Variants in STK32B observed in about 807,000 individuals in gnomAD.
STK32B encodes the protein serine/threonine kinase 32B.
In STK32B, 43 loss-of-function variants were observed where a neutral mutation model predicts 52.6. The observed-to-expected ratio is 0.82, with a 90% CI of 0.64 to 1.05. The LOEUF (loss-of-function observed/expected upper bound fraction) is 1.05. Among genes scored for constraint, STK32B ranks in the 50% least tolerant of loss-of-function variants. The pLI, the probability that STK32B is intolerant of heterozygous loss-of-function variation, is 0.00. For missense variants in STK32B, 621 were observed against 534.6 expected, an observed-to-expected ratio of 1.16 and a Z score of -1.59; for synonymous variants, 238 against 204.3, an observed-to-expected ratio of 1.17 and a Z score of -1.41.
At chr4:5,346,674 C>T (rs969952542) in intron 4 of STK32B, among the ~76,000 whole-genome samples, 2 of 152,310 alleles carry the variant, frequency 1.3e-5, no homozygotes, top group African/African-American at 2.4e-5. Context: ...CTGCTCTGGA[C>T]ATGATTTTGC....
intron 1 of STK32B, among the ~76,000 whole-genome samples, chr4:5,132,464 T>C (rs1715837707): frequency 1.3e-5 from 2 of 151,986 alleles, no homozygotes; most frequent in African/African-American, 2.4e-5. Flanking sequence ...AAACCTGAAC[T>C]TGCACCCGGA....
Position 5,399,775 on chromosome 4 carries a change from G to C in STK32B, c.472+1531G>C, listed in dbSNP as rs536828326. Among the ~76,000 whole-genome samples the C allele has an allele frequency of 6.6e-6, 1 of 152,104 alleles. No homozygotes were observed. The highest frequency in any genetic ancestry group is 1.9e-4 in the East Asian group (1 of 5,162). On this transcript the variant is annotated intron_variant, in intron 5 of 11. Coordinates refer to ENST00000282908, the MANE Select transcript of STK32B (RefSeq NM_018401.3). This position sits in a 1 kb window ranked among gnomAD's most constrained non-coding sequence, Gnocchi z 5.4. ...TGCAGGGTGGTGAATGTCTCATCTCGGGTGAGACTCGAAGGTCAGCCACCC... is the reference window on the plus strand; with the variant it reads ...TGCAGGGTGGTGAATGTCTCATCTCCGGTGAGACTCGAAGGTCAGCCACCC...
intron 1 of STK32B, among the ~76,000 whole-genome samples, chr4:5,137,673 A>G (rs1205436310): frequency 2.6e-5 from 4 of 152,184 alleles, no homozygotes; most frequent in Non-Finnish European, 4.4e-5. Flanking sequence ...CTGACTGAAT[A>G]GAGCTGTATT....
chr4:5,155,380 A>G (rs750673941), intron 2 of STK32B, among the ~76,000 whole-genome samples: 4 of 152,190 alleles, frequency 2.6e-5, no homozygotes, highest in African/African-American at 9.7e-5. Context: ...GAGGGCAGCA[A>G]TGTTTCCTCT....
intron 11 of STK32B, among the ~76,000 whole-genome samples, chr4:5,488,503 G>A (rs761009945): frequency 1.3e-4 from 20 of 152,038 alleles, no homozygotes; most frequent in Admixed American, 6.6e-4. Flanking sequence ...TGTTAGAAAG[G>A]TTATCATAAA....
At chr4:5,083,442 T>C (rs541278730) in intron 1 of STK32B, among the ~76,000 whole-genome samples, 2 of 152,342 alleles carry the variant, frequency 1.3e-5, no homozygotes, top group South Asian at 4.1e-4. Flanking sequence ...TACTCAACTT[T>C]TGAGCCTAAT....
At chr4:5,143,877 C>G (rs1308862708) in intron 2 of STK32B, among the ~76,000 whole-genome samples, 2 of 145,728 alleles carry the variant, frequency 1.4e-5, no homozygotes, top group African/African-American at 4.9e-5. Context: ...CAATCAATAA[C>G]TTGTATTTTG....
chr4:5,460,075 T>C lies in STK32B; in HGVS notation c.784-28T>C, dbSNP rs373898113. ...CTAACCTTGAGGGATGCCCAATTCA[T>C]GGAAACTCATTTGCCCTCTAACTGC... is the stretch of plus-strand genomic sequence containing the variant. On this transcript the variant is annotated intron_variant, in intron 8 of 11. Coordinates refer to ENST00000282908, the MANE Select transcript of STK32B (RefSeq NM_018401.3). This position sits in a 1 kb window ranked among gnomAD's most constrained non-coding sequence, Gnocchi z 4.8. 6.2e-7 allele frequency: 1 copy of C among 1,614,188 alleles called. No homozygotes were observed. The highest frequency in any genetic ancestry group is 1.1e-5 in the South Asian group (1 of 91,084).
At chr4:5,295,805 C>T (rs1249189059) in intron 3 of STK32B, among the ~76,000 whole-genome samples, 2 of 152,098 alleles carry the variant, frequency 1.3e-5, no homozygotes, top group African/African-American at 4.8e-5. Context: ...TTCTTGTCTT[C>T]TACTAGCTTT....
chr4:5,025,041 G>A, the STK32B span, among the ~76,000 whole-genome samples: 1 of 152,094 alleles, frequency 6.6e-6, no homozygotes, highest in African/African-American at 2.4e-5. Context: ...CTTCATTCGT[G>A]GGTCTCTTTA....
At chr4:5,162,974 G>A (rs1718561679) in intron 2 of STK32B, among the ~76,000 whole-genome samples, 5 of 152,168 alleles carry the variant, frequency 3.3e-5, no homozygotes, top group Admixed American at 1.3e-4. Context: ...AGGGAAGAAC[G>A]GAAGCCTCTT....
chr4:5,444,742 T>C (rs576733281), intron 6 of STK32B, among the ~76,000 whole-genome samples: 1 of 152,346 alleles, frequency 6.6e-6, no homozygotes, highest in South Asian at 2.1e-4. Context: ...TTATCTTATT[T>C]AATCTACTTA....
chr4:5,371,018 ATATGTG>A (rs1735200559), intron 4 of STK32B, among the ~76,000 whole-genome samples: 2 of 150,312 alleles, frequency 1.3e-5, no homozygotes, highest in African/African-American at 2.5e-5. Context: ...ATATGTATAT[ATATGTG>A]TATATATATG....
intron 3 of STK32B, among the ~76,000 whole-genome samples, chr4:5,230,547 CTA>C (rs1035089512): frequency 6.6e-6 from 1 of 151,988 alleles, no homozygotes; most frequent in African/African-American, 2.4e-5. Flanking sequence ...GAACTCCACT[CTA>C]TACTCACGAG....
chr4:5,246,541 G>A (rs1458263892), intron 3 of STK32B, among the ~76,000 whole-genome samples: 2 of 152,158 alleles, frequency 1.3e-5, no homozygotes, highest in African/African-American at 2.4e-5. Flanking sequence ...GCTCGGAGTA[G>A]TTTGATCTTC....
intron 6 of STK32B, among the ~76,000 whole-genome samples, chr4:5,435,524 C>A (rs1205312965): frequency 6.6e-6 from 1 of 152,216 alleles, no homozygotes; most frequent in African/African-American, 2.4e-5. Context: ...ACTCTTAAAA[C>A]AAGACTTTGC....
chr4:5,289,473 C>T (rs949680750), intron 3 of STK32B, among the ~76,000 whole-genome samples: 6 of 152,026 alleles, frequency 3.9e-5, no homozygotes, highest in South Asian at 2.1e-4. Flanking sequence ...GACGGAGTCT[C>T]GCTGTCTCCC....
intron 4 of STK32B, chr4:5,345,483 T>G (rs1733392281): frequency 2.0e-5 from 3 of 152,194 alleles, no homozygotes; most frequent in African/African-American, 7.2e-5. Context: ...TTTTTGGAAA[T>G]TAGAAAACAA....
chr4:5,168,855 C>T (rs1019922915), intron 3 of STK32B, among the ~76,000 whole-genome samples: 6 of 152,148 alleles, frequency 3.9e-5, no homozygotes, highest in Non-Finnish European at 2.9e-5. Context: ...AGATGGCTGC[C>T]CATCACGGAC....
Sources: gnomAD v4.1 joint callset for allele counts (sites outside exome capture counted in the v4.1 genomes callset) on GRCh38, gnomAD v4.1.1 for gene constraint, Gnocchi (gnomAD v3.1) non-coding constraint, MANE v1.5 for transcripts, NCBI Gene and HGNC (gene_info 2026-07-23, HGNC 2026-07-21) for gene names.